Variants in SLC25A23 observed in about 807,000 individuals in gnomAD.
SLC25A23 encodes mitochondrial adenyl nucleotide antiporter SLC25A23.
In SLC25A23, 32 loss-of-function variants were observed where a neutral mutation model predicts 53.9. The observed-to-expected ratio is 0.59, with a 90% CI of 0.45 to 0.80. The LOEUF (loss-of-function observed/expected upper bound fraction) is 0.80, where lower values mean the gene tolerates loss of function less well. SLC25A23 is among the 30% of genes least tolerant of loss of function. The probability of loss-of-function intolerance (pLI) is 0.00; values close to 1 mark genes in which losing one functional copy is unlikely to be tolerated. For missense variants in SLC25A23, 575 were observed against 651.4 expected, an observed-to-expected ratio of 0.88 and a Z score of 1.28; for synonymous variants, 275 against 264.5, an observed-to-expected ratio of 1.04 and a Z score of -0.38.
At chr19:6,457,034 A>C (rs1183172025) in intron 3 of SLC25A23, among the ~76,000 whole-genome samples, 2 of 149,596 alleles carry the variant, frequency 1.3e-5, no homozygotes, top group East Asian at 3.9e-4. Flanking sequence ...CTGGTCCCAG[A>C]TCTGTCTGGC....
intron 1 of SLC25A23, 35 bp from the exon 2 acceptor site, chr19:6,458,359 G>A (rs1350381529): frequency 6.2e-7 from 1 of 1,604,192 alleles, no homozygotes; most frequent in Admixed American, 1.7e-5. Context: ...GTGGCTCCAG[G>A]AACCTGCTCC....
chr19:6,446,397 C>T (rs1051294334), intron 8 of SLC25A23, among the ~76,000 whole-genome samples: 20 of 152,180 alleles, frequency 1.3e-4, no homozygotes, highest in South Asian at 4.2e-4. Context: ...CACTCTCCAA[C>T]GACACTGCCT....
intron 8 of SLC25A23, among the ~76,000 whole-genome samples, chr19:6,447,940 G>A (rs1319387982): frequency 6.6e-6 from 1 of 152,088 alleles, no homozygotes; most frequent in Non-Finnish European, 1.5e-5. Context: ...CAAAGTGCTG[G>A]GATTACAGGA....
Position 6,454,440 on chromosome 19 carries a change from A to G in SLC25A23, c.678T>C (p.Leu226=), listed in dbSNP as rs752929163. ...HASKTNRLNI[L]GGLRSMVLEG... ...CAAGGACCATGCTTCGAAGCCCCCC[A>G]AGGATGTTCAGCCGGTTGGTCTTTG... Residue 226 remains leucine, a synonymous_variant, in exon 6 of 10, where the codon CTT becomes CTC. Transcript: ENST00000301454. The surrounding 1 kb of genome is among the most constrained non-coding windows in gnomAD (Gnocchi z 4.3). 1 of 1,614,024 alleles carries G rather than the reference A, an allele frequency of 6.2e-7. No homozygotes were observed. Among genetic ancestry groups the G allele is most frequent in the South Asian group, 1.1e-5 (1 of 91,074 alleles).
chr19:6,441,959 A>T lies in SLC25A23; in HGVS notation c.*16T>A. ...GTGTGGGGGGTGAGGGATTGGGGGG[A>T]CGGGCTCCGGGTCCCTCACCTGGAC... is the stretch of plus-strand genomic sequence containing the variant. On this transcript the variant is annotated 3_prime_UTR_variant, in exon 10 of 10. Coordinates refer to ENST00000301454, the MANE Select transcript of SLC25A23 (RefSeq NM_024103.3). 1 of 1,608,394 alleles carries T rather than the reference A, an allele frequency of 6.2e-7. No homozygotes were observed. The highest frequency in any genetic ancestry group is 2.2e-5 in the East Asian group (1 of 44,756).
chr19:6,436,824 A>G (rs940749062), downstream of SLC25A23, among the ~76,000 whole-genome samples: 4 of 151,448 alleles, frequency 2.6e-5, no homozygotes, highest in Non-Finnish European at 5.9e-5. Context: ...CTAGGATTAT[A>G]GACGTGAGCC....
rs1568375433 is a variant in SLC25A23, at chr19:6,454,930, A to G, written c.484-213T>C. 6.6e-6 allele frequency among the ~76,000 whole-genome samples: 1 copy of G among 152,142 alleles called. No individual in the cohort carries two copies. Among genetic ancestry groups the G allele is most frequent in the Non-Finnish European group, 1.5e-5 (1 of 68,002 alleles). ...CCTCCTTAGAAGATCCCAATATCCTACTAAATCCCACCAAAGGATCTGCCA... is the reference window on the plus strand; with the variant it reads ...CCTCCTTAGAAGATCCCAATATCCTGCTAAATCCCACCAAAGGATCTGCCA... On this transcript the variant is annotated intron_variant, in intron 4 of 9. Coordinates refer to ENST00000301454, the MANE Select transcript of SLC25A23 (RefSeq NM_024103.3). The surrounding 1 kb of genome is among the most constrained non-coding windows in gnomAD (Gnocchi z 4.3).
chr19:6,450,225 C>G (rs1172692949), intron 8 of SLC25A23, among the ~76,000 whole-genome samples: 2 of 151,988 alleles, frequency 1.3e-5, no homozygotes, highest in Non-Finnish European at 2.9e-5. Flanking sequence ...TGATCAGTCC[C>G]CCCCAGACAC....
intron 1 of SLC25A23, among the ~76,000 whole-genome samples, chr19:6,458,964 G>A (rs192821338): frequency 1.3e-5 from 2 of 152,024 alleles, no homozygotes; most frequent in South Asian, 2.1e-4. Flanking sequence ...TCCCAGCTGC[G>A]GGTGACCGCA....
intron 2 of SLC25A23, 49 bp from the exon 3 acceptor site, chr19:6,457,639 G>T: frequency 6.6e-7 from 1 of 1,524,920 alleles, no homozygotes; most frequent in South Asian, 1.1e-5. Flanking sequence ...GAGGACACCT[G>T]GGGAACCCCA....
rs536189111 is a variant in SLC25A23, at chr19:6,445,395, C to T, written c.1072-1094G>A. Among the ~76,000 whole-genome samples, 5 of 152,318 alleles carry T rather than the reference C, an allele frequency of 3.3e-5. No individual in the cohort carries two copies. The East Asian group carries it at 7.7e-4, about 24-fold the overall frequency. On this transcript the variant is annotated intron_variant, in intron 8 of 9. Coordinates refer to ENST00000301454, the MANE Select transcript of SLC25A23 (RefSeq NM_024103.3). ...AAGTGCTGGGATTACAAGCATGAGT[C>T]ACCATGCCCGGCACAAGGGCCCTTC...
downstream of SLC25A23, chr19:6,436,199 G>A: frequency 3.6e-6 from 1 of 276,474 alleles, no homozygotes; most frequent in Admixed American, 4.0e-5. Flanking sequence ...TGAGCATTAG[G>A]AACTCAGGAG....
chr19:6,459,325 G>T lies in SLC25A23; in HGVS notation c.156+148C>A. On this transcript the variant is annotated intron_variant, in intron 1 of 9. Coordinates refer to ENST00000301454, the MANE Select transcript of SLC25A23 (RefSeq NM_024103.3). This position sits in a 1 kb window ranked among gnomAD's most constrained non-coding sequence, Gnocchi z 4.6. ...TGAGCGATCCCGTTAGGCCAAACAC[G>T]AGTGGGTAGGGGGAACGAGACAGAG... 1.6e-6 allele frequency: 1 copy of T among 643,746 alleles called. No homozygotes were observed. Among genetic ancestry groups the T allele is most frequent in the Non-Finnish European group, 2.4e-6 (1 of 417,592 alleles). 39.9% of individuals were successfully genotyped at this position (643,746 alleles called of 1,614,324 possible).
Position 6,456,765 on chromosome 19 carries a change from T to C in SLC25A23, c.372-234A>G, listed in dbSNP as rs543294946. 2.0e-5 allele frequency among the ~76,000 whole-genome samples: 3 copies of C among 152,178 alleles called. No homozygotes were observed. In the East Asian group the frequency reaches 5.8e-4, roughly 29 times the overall value. On this transcript the variant is annotated intron_variant, in intron 3 of 9. Coordinates refer to ENST00000301454, the MANE Select transcript of SLC25A23 (RefSeq NM_024103.3). Reference sequence around the variant, plus strand: ...TGCGATCTCAGCTCACTGCAACCTCTGCCTCCTGGGTTCAAGAGATTCTCC... The same window carrying C: ...TGCGATCTCAGCTCACTGCAACCTCCGCCTCCTGGGTTCAAGAGATTCTCC...
rs575464587 is a variant in SLC25A23, at chr19:6,448,146, C to A, written c.1072-3845G>T. Among the ~76,000 whole-genome samples the A allele has an allele frequency of 2.6e-5, 4 of 152,312 alleles. No individual in the cohort carries two copies. The East Asian group carries it at 7.7e-4, about 29-fold the overall frequency. ...CCTTCTGCCAAGGTGACTGTAAGAA[C>A]AAGACCTTCTTTGCTTTGCGGCTGG... On this transcript the variant is annotated intron_variant, in intron 8 of 9. Coordinates refer to ENST00000301454, the MANE Select transcript of SLC25A23 (RefSeq NM_024103.3).
downstream of SLC25A23, chr19:6,436,548 TC>T: frequency 2.5e-6 from 1 of 407,024 alleles, no homozygotes. Context: ...AGCGACAGTG[TC>T]TTTTTTTTTT....
At chr19:6,458,398 T>C in intron 1 of SLC25A23, 74 bp from the exon 2 acceptor site, 1 of 1,517,844 alleles carries the variant, frequency 6.6e-7, no homozygotes, top group Non-Finnish European at 8.9e-7. Context: ...TGTCACCTTA[T>C]GCCTTAGGAA....
At chr19:6,448,694 C>A (rs569062101) in intron 8 of SLC25A23, among the ~76,000 whole-genome samples, 127 of 151,382 alleles carry the variant, frequency 8.4e-4, no homozygotes, top group African/African-American at 3.0e-3. Context: ...TGGTCTTGAT[C>A]TCTTGATCTT....
intron 9 of SLC25A23, among the ~76,000 whole-genome samples, chr19:6,443,262 G>T (rs1390639533): frequency 1.3e-5 from 2 of 151,050 alleles, no homozygotes; most frequent in Admixed American, 6.6e-5. Context: ...TTGAGACAGG[G>T]TCTCACTCTG....
Sources: allele counts gnomAD v4.1 joint callset (sites outside exome capture counted in the v4.1 genomes callset), GRCh38; gene constraint gnomAD v4.1.1; non-coding constraint Gnocchi (gnomAD v3.1); transcripts MANE v1.5; gene names NCBI Gene and HGNC (gene_info 2026-07-23, HGNC 2026-07-21).